CWH43: variants seen among roughly 807,000 people sequenced by gnomAD.
CWH43 encodes the protein PGAP2-interacting protein.
In CWH43, 91 loss-of-function variants were observed where a neutral mutation model predicts 85.7. That is an observed-to-expected ratio of 1.06 (90% CI 0.90 to 1.26). The LOEUF (loss-of-function observed/expected upper bound fraction) is 1.26. Among genes scored for constraint, CWH43 ranks in the 50% most tolerant of loss-of-function variants. CWH43 has a pLI of 0.00. For synonymous variants in CWH43, 323 were observed against 293.6 expected (o/e 1.10, Z -1.02); for missense variants, 869 against 839.2 (o/e 1.04, Z -0.44).
intron 5 of CWH43, among the ~76,000 whole-genome samples, chr4:48,996,906 CTG>C (rs1359580761): frequency 2.6e-5 from 4 of 152,204 alleles, no homozygotes; most frequent in African/African-American, 7.2e-5. Flanking sequence ...ATTTCCCAAA[CTG>C]TGTTCTGTGA....
At chr4:49,023,550 T>A (rs1235374046) in intron 9 of CWH43, among the ~76,000 whole-genome samples, 1 of 152,174 alleles carries the variant, frequency 6.6e-6, no homozygotes, top group Non-Finnish European at 1.5e-5. Context: ...AAATTTTGTA[T>A]TTTTAGTAGA....
At chr4:49,033,029 G>A (rs376391979) in intron 12 of CWH43, among the ~76,000 whole-genome samples, 13 of 152,228 alleles carry the variant, frequency 8.5e-5, no homozygotes, top group Admixed American at 5.2e-4. Flanking sequence ...TTAGAGCCCC[G>A]TTTTGCAGGT....
At chr4:49,055,591 ATTT>A (rs34048083) in intron 15 of CWH43, among the ~76,000 whole-genome samples, 6 of 142,004 alleles carry the variant, frequency 4.2e-5, no homozygotes, top group Non-Finnish European at 4.6e-5. Flanking sequence ...TTTTTCTTTC[ATTT>A]TTTTTTTTTT....
Position 49,003,175 on chromosome 4 carries a change from ATGAATGAACTGAT to A in CWH43, c.803-557_803-545del, listed in dbSNP as rs559597211. Among the ~76,000 whole-genome samples, 381 of 152,314 alleles carry A rather than the reference ATGAATGAACTGAT, an allele frequency of 2.5e-3. 1 individual carries two copies. Among genetic ancestry groups the A allele is most frequent in the South Asian group, 5.8e-3 (28 of 4,822 alleles). On this transcript the variant is annotated intron_variant, in intron 6 of 15. Transcript: ENST00000226432. ...CTGACACCTAGCAGGCTGTTGGGTA[ATGAATGAACTGAT>A]TGCAGAATTGCTAAAGCAGTGAGCC...
At chr4:49,004,195 C>T (rs188032970) in intron 7 of CWH43, among the ~76,000 whole-genome samples, 4 of 152,220 alleles carry the variant, frequency 2.6e-5, no homozygotes, top group Admixed American at 1.3e-4. Context: ...AATTTACCAG[C>T]GCATTTCTGT....
intron 15 of CWH43, among the ~76,000 whole-genome samples, chr4:49,057,799 G>A (rs573583408): frequency 3.0e-4 from 46 of 152,198 alleles, no homozygotes; most frequent in African/African-American, 1.1e-3. Context: ...GTGCTCTGAT[G>A]GTGGGTGCAC....
chr4:49,043,423 C>T (rs1158367868), intron 13 of CWH43, among the ~76,000 whole-genome samples: 2 of 152,180 alleles, frequency 1.3e-5, no homozygotes, highest in Non-Finnish European at 2.9e-5. Context: ...GAGGGATGTA[C>T]ATGGTATTAA....
intron 15 of CWH43, among the ~76,000 whole-genome samples, chr4:49,057,779 A>G (rs1391370173): frequency 3.9e-5 from 6 of 152,008 alleles, no homozygotes; most frequent in Admixed American, 3.9e-4. Context: ...TATTTTCTTC[A>G]TATATTTAGG....
intron 8 of CWH43, among the ~76,000 whole-genome samples, chr4:49,008,677 T>G (rs1362908291): frequency 1.3e-5 from 2 of 152,248 alleles, no homozygotes; most frequent in Non-Finnish European, 2.9e-5. Context: ...AAATCCAGTT[T>G]CAGCTTTCTC....
At position 48,991,435 on chromosome 4, in the gene CWH43, C is replaced by T; in HGVS notation, c.236-19C>T. ...CCATACTTGCCAGAAATGCTTAGCT[C>T]TCCCTATTTTGTTTGTAGGCAGCAT... On this transcript the variant is annotated intron_variant, in intron 2 of 15. Transcript: ENST00000226432. 6.2e-7 allele frequency: 1 copy of T among 1,613,450 alleles called. No individual in the cohort carries two copies. Among genetic ancestry groups the T allele is most frequent in the South Asian group, 1.1e-5 (1 of 90,944 alleles).
At chr4:49,030,015 T>A (rs1174324002) in intron 10 of CWH43, among the ~76,000 whole-genome samples, 1 of 152,162 alleles carries the variant, frequency 6.6e-6, no homozygotes, top group Non-Finnish European at 1.5e-5. Context: ...CTATACTTTG[T>A]CTCTGTGTCT....
Position 49,030,852 on chromosome 4 carries a change from G to C in CWH43, c.1400G>C (p.Ser467Thr), listed in dbSNP as rs757080396. The C allele has an allele frequency of 6.3e-7, 1 of 1,588,548 alleles. No homozygotes were observed. The highest frequency in any genetic ancestry group is 8.5e-7 in the Non-Finnish European group (1 of 1,171,762). The change falls in exon 11 of 16, where the codon AGT (serine) becomes ACT (threonine). Residue 467 changes from serine to threonine, a missense_variant. Transcript: ENST00000226432. ...GCAGATTTCATAACAATTTTGGAGA[G>C]TGATGCTTCTAAGCCCTATATGGGG... is the stretch of plus-strand genomic sequence containing the variant. Reference protein sequence around the residue: ...TGADFITILESDASKPYMGNN... With the variant: ...TGADFITILETDASKPYMGNN...
At chr4:48,998,401 A>G (rs1782882756) in intron 5 of CWH43, 59 bp from the exon 6 acceptor site, 2 of 1,288,180 alleles carry the variant, frequency 1.6e-6, no homozygotes, top group Admixed American at 1.7e-5. Flanking sequence ...TCTATTTTAT[A>G]TTCGGGATGA....
chr4:49,010,859 G>T (rs959230044), intron 8 of CWH43, among the ~76,000 whole-genome samples: 1 of 152,182 alleles, frequency 6.6e-6, no homozygotes, highest in Non-Finnish European at 1.5e-5. Context: ...TATGATTTTG[G>T]TTCTTTTATG....
chr4:48,988,046 GGCAAGGGAAAGGAACAC>G (rs1272549757), intron 1 of CWH43, among the ~76,000 whole-genome samples: 1 of 152,164 alleles, frequency 6.6e-6, no homozygotes, highest in Non-Finnish European at 1.5e-5. Flanking sequence ...CAGCCATATG[GGCAAGGGAAAGGAACAC>G]GCAAGGGATG....
At chr4:49,038,239 T>C in intron 13 of CWH43, 59 bp downstream of exon 13, 4 of 1,438,538 alleles carry the variant, frequency 2.8e-6, no homozygotes, top group Non-Finnish European at 2.8e-6. Context: ...TTTTCTTTCA[T>C]GTTTTTAAAA....
At chr4:49,054,546 T>C (rs1400244639) in intron 15 of CWH43, among the ~76,000 whole-genome samples, 1 of 152,130 alleles carries the variant, frequency 6.6e-6, no homozygotes, top group East Asian at 1.9e-4. Context: ...CTGTGAAAAA[T>C]GTCATTGGAA....
chr4:48,991,873 C>A, intron 3 of CWH43, 63 bp from the exon 4 acceptor site: 1 of 1,365,844 alleles, frequency 7.3e-7, no homozygotes, highest in Non-Finnish European at 1.0e-6. Context: ...AACTGAAATT[C>A]ATGATGGACA....
rs1199247828 is a variant in CWH43, at chr4:49,044,875, T to G, written c.1865+28T>G. 5.1e-6 allele frequency: 8 copies of G among 1,576,930 alleles called. No individual in the cohort carries two copies. In the South Asian group the frequency reaches 6.7e-5, roughly 13 times the overall value. On this transcript the variant is annotated intron_variant, in intron 14 of 15. Transcript: ENST00000226432. ...GAGCACAGGGGTTTGATTTTGTTTT[T>G]AATCTATTATTAATGTGATCTTTTG...
Sources: gnomAD v4.1 joint callset for allele counts (sites outside exome capture counted in the v4.1 genomes callset) on GRCh38, gnomAD v4.1.1 for gene constraint, MANE v1.5 for transcripts, NCBI Gene and HGNC (gene_info 2026-07-23, HGNC 2026-07-21) for gene names.